Variants in ADGRL2 observed in about 807,000 individuals in gnomAD.
ADGRL2 encodes the protein calcium-independent alpha-latrotoxin receptor 2.
A neutral mutation model predicts 157.4 loss-of-function variants in ADGRL2; 44 were observed. The ratio of observed to expected loss-of-function variants is 0.28; its 90% CI spans 0.22 to 0.36. The LOEUF (loss-of-function observed/expected upper bound fraction) is 0.36, where lower values mean the gene tolerates loss of function less well. Ranked by LOEUF, ADGRL2 falls within the 10% of genes least tolerant of loss-of-function variation. ADGRL2 has a pLI of 1.00. For missense variants in ADGRL2, 1,510 were observed against 1,768.9 expected (o/e 0.85, Z 2.63); for synonymous variants, 585 against 624.7 (o/e 0.94, Z 0.95).
At chr1:81,862,323 C>T (rs1192398548) in intron 2 of ADGRL2, among the ~76,000 whole-genome samples, 1 of 152,032 alleles carries the variant, frequency 6.6e-6, no homozygotes, top group Non-Finnish European at 1.5e-5. Flanking sequence ...TTAAAAAAAG[C>T]ACAACTGATT....
chr1:81,350,052 AT>A (rs1180093167), intron 1 of ADGRL2, among the ~76,000 whole-genome samples: 1 of 152,124 alleles, frequency 6.6e-6, no homozygotes, highest in Non-Finnish European at 1.5e-5. Context: ...TCCATGAAAT[AT>A]TTTGGCAACC....
intron 2 of ADGRL2, among the ~76,000 whole-genome samples, chr1:81,522,866 A>G (rs896835321): frequency 1.3e-5 from 2 of 152,150 alleles, no homozygotes; most frequent in African/African-American, 4.8e-5. Flanking sequence ...TCAACAAGAA[A>G]CCTATGGCTC....
intron 1 of ADGRL2, among the ~76,000 whole-genome samples, chr1:81,380,603 A>G (rs1381532137): frequency 1.3e-5 from 2 of 152,182 alleles, no homozygotes; most frequent in African/African-American, 2.4e-5. Flanking sequence ...CATTTATCCA[A>G]TACCATTTTT....
chr1:81,518,032 T>A (rs1438718082), intron 2 of ADGRL2, among the ~76,000 whole-genome samples: 1 of 152,240 alleles, frequency 6.6e-6, no homozygotes, highest in Non-Finnish European at 1.5e-5. Flanking sequence ...AACCAATAAA[T>A]GCATTGATTA....
At position 81,340,367 on chromosome 1, in the gene ADGRL2, A is replaced by G. The variant is rs183452042; in HGVS notation, c.-302+33858A>G. On this transcript the variant is annotated intron_variant, in intron 1 of 24. Transcript: ENST00000370721. Reference sequence around the variant, plus strand: ...CAAGCTTCTGCTTTTTGAAGAGTCAAAATCCTTTGCCCAACTTGTGCTTGC... The same window carrying G: ...CAAGCTTCTGCTTTTTGAAGAGTCAGAATCCTTTGCCCAACTTGTGCTTGC... 2.2e-3 allele frequency among the ~76,000 whole-genome samples: 342 copies of G among 152,276 alleles called. 3 individuals are homozygous for G. The highest frequency in any genetic ancestry group is 7.1e-3 in the African/African-American group (295 of 41,548).
intron 3 of ADGRL2, among the ~76,000 whole-genome samples, chr1:81,629,615 T>G (rs1311169043): frequency 6.6e-6 from 1 of 151,998 alleles, no homozygotes; most frequent in Admixed American, 6.6e-5. Flanking sequence ...AGTGCTTGGA[T>G]CATAACAGGC....
Position 81,358,704 on chromosome 1 carries a change from C to G in ADGRL2, c.-302+52195C>G, listed in dbSNP as rs185829276. 9.9e-5 allele frequency among the ~76,000 whole-genome samples: 15 copies of G among 152,152 alleles called. No individual in the cohort carries two copies. In the East Asian group the frequency reaches 2.9e-3, roughly 29 times the overall value. On this transcript the variant is annotated intron_variant, in intron 1 of 24. Coordinates refer to the ADGRL2 transcript ENST00000370721. ...CCAAAATTCTTGTCACTTTGGAAAT[C>G]ATGAAAATATGTGATTTATGTTAAG...
chr1:81,902,019 A>T (rs77113526), intron 2 of ADGRL2, among the ~76,000 whole-genome samples: 1 of 152,264 alleles, frequency 6.6e-6, no homozygotes, highest in East Asian at 1.9e-4. Context: ...TTAGGGAGAC[A>T]TAAGTCAGAA....
At chr1:81,562,270 C>T (rs948617965) in intron 2 of ADGRL2, among the ~76,000 whole-genome samples, 3 of 152,020 alleles carry the variant, frequency 2.0e-5, no homozygotes, top group Non-Finnish European at 4.4e-5. Flanking sequence ...GAGGCTCTTC[C>T]GTAGCTGAGA....
chr1:81,566,165 C>T (rs1163703103), intron 2 of ADGRL2, among the ~76,000 whole-genome samples: 1 of 152,054 alleles, frequency 6.6e-6, no homozygotes, highest in Non-Finnish European at 1.5e-5. Context: ...AAGGAAATTC[C>T]AGGGTGTTCT....
intron 3 of ADGRL2, among the ~76,000 whole-genome samples, chr1:81,910,336 A>G (rs2094691399): frequency 6.6e-6 from 1 of 151,572 alleles, no homozygotes; most frequent in Non-Finnish European, 1.5e-5. Flanking sequence ...ATGATAGACT[A>G]CCTCAATTCC....
At chr1:81,697,394 T>C (rs540549767), upstream of ADGRL2, among the ~76,000 whole-genome samples, 7 of 152,318 alleles carry the variant, frequency 4.6e-5, no homozygotes, top group African/African-American at 1.7e-4. Flanking sequence ...TTATCTAGGG[T>C]TGATTGATTG....
intron 1 of ADGRL2, among the ~76,000 whole-genome samples, chr1:81,720,027 A>T (rs982947122): frequency 3.9e-5 from 6 of 152,108 alleles, no homozygotes; most frequent in Admixed American, 2.0e-4. Context: ...GTTTTACTAT[A>T]TTTTATTATG....
intron 1 of ADGRL2, among the ~76,000 whole-genome samples, chr1:81,831,292 T>C (rs1336162950): frequency 2.0e-5 from 3 of 152,182 alleles, no homozygotes; most frequent in Non-Finnish European, 4.4e-5. Flanking sequence ...ACTTTAGTAA[T>C]ATAAATGAGT....
intron 2 of ADGRL2, among the ~76,000 whole-genome samples, chr1:81,848,918 G>C (rs1474968656): frequency 6.6e-6 from 1 of 151,880 alleles, no homozygotes; most frequent in Admixed American, 6.6e-5. Flanking sequence ...CAGTTAAAAG[G>C]CATGCTCCTC....
In ADGRL2 at chr1:81,909,035, C is replaced by T. The variant is rs143435730; in HGVS notation, c.287+1805C>T. ...GATTACAGGTGCAAGCCACCAAGCC[C>T]GGCTAATTTTTTGTATTTTTAGTAG... On this transcript the variant is annotated intron_variant, in intron 3 of 23. Transcript: ENST00000686636. 9.9e-4 allele frequency among the ~76,000 whole-genome samples: 151 copies of T among 151,942 alleles called. 1 individual carries two copies. In the East Asian group the frequency reaches 0.025, roughly 25 times the overall value.
At chr1:81,762,986 A>AGCTT (rs1194222956) in intron 2 of ADGRL2, among the ~76,000 whole-genome samples, 3 of 136,058 alleles carry the variant, frequency 2.2e-5, no homozygotes, top group Non-Finnish European at 3.1e-5. Flanking sequence ...CAGGAGGTGG[A>AGCTT]GCTTGCAGTG....
At chr1:81,730,123 T>G (rs1317243610) in intron 1 of ADGRL2, among the ~76,000 whole-genome samples, 3 of 152,036 alleles carry the variant, frequency 2.0e-5, no homozygotes, top group Non-Finnish European at 4.4e-5. Context: ...CGGTGGTCCC[T>G]AACTTCTTTC....
chr1:81,398,017 T>C (rs1272643535), intron 1 of ADGRL2, among the ~76,000 whole-genome samples: 1 of 152,184 alleles, frequency 6.6e-6, no homozygotes, highest in Non-Finnish European at 1.5e-5. Context: ...CATATATTTT[T>C]GTAATTGTTA....
Sources: allele counts gnomAD v4.1 joint callset (sites outside exome capture counted in the v4.1 genomes callset), GRCh38; gene constraint gnomAD v4.1.1; transcripts MANE v1.5; gene names NCBI Gene and HGNC (gene_info 2026-07-23, HGNC 2026-07-21).